CTNNA3: variants seen among roughly 807,000 people sequenced by gnomAD.
CTNNA3 encodes the protein catenin alpha-3.
A neutral mutation model predicts 95.7 loss-of-function variants in CTNNA3; 76 were observed. The observed-to-expected ratio is 0.79, with a 90% CI of 0.66 to 0.96. CTNNA3 has a LOEUF of 0.96. CTNNA3 is among the 40% of genes least tolerant of loss of function. The pLI is 0.00. For missense variants in CTNNA3, 1,191 were observed against 1,089.8 expected (o/e 1.09, Z -1.31); for synonymous variants, 431 against 374.4 (o/e 1.15, Z -1.74).
At chr10:66,520,149 C>T (rs1049748419) in intron 11 of CTNNA3, among the ~76,000 whole-genome samples, 2 of 150,898 alleles carry the variant, frequency 1.3e-5, no homozygotes, top group Non-Finnish European at 2.9e-5. Flanking sequence ...ATGGATGACA[C>T]AACTGCTGCT....
intron 3 of CTNNA3, among the ~76,000 whole-genome samples, chr10:67,592,221 G>A (rs184737341): frequency 6.6e-6 from 1 of 152,230 alleles, no homozygotes; most frequent in East Asian, 1.9e-4. Flanking sequence ...TCATTGCTGA[G>A]AGTTTTCTTT....
chr10:65,982,808 A>T (rs2078350140), intron 16 of CTNNA3, among the ~76,000 whole-genome samples: 1 of 151,322 alleles, frequency 6.6e-6, no homozygotes, highest in South Asian at 2.1e-4. Flanking sequence ...AATTTCAGAT[A>T]GGTAATACCT....
At chr10:67,128,294 A>T (rs972834785) in intron 7 of CTNNA3, among the ~76,000 whole-genome samples, 72 of 152,276 alleles carry the variant, frequency 4.7e-4, no homozygotes, top group African/African-American at 1.7e-3. Context: ...AATCTTATCT[A>T]AAAAAGATTA....
intron 1 of CTNNA3, among the ~76,000 whole-genome samples, chr10:67,749,876 G>A (rs541635241): frequency 1.3e-5 from 2 of 152,250 alleles, no homozygotes; most frequent in East Asian, 1.9e-4. Flanking sequence ...GAATCCAGGA[G>A]CTGGTTTTTT....
intron 10 of CTNNA3, among the ~76,000 whole-genome samples, chr10:66,560,535 T>A (rs1344953999): frequency 6.6e-6 from 1 of 152,110 alleles, no homozygotes; most frequent in Non-Finnish European, 1.5e-5. Flanking sequence ...ATTGCTATTG[T>A]TTTATCATGA....
At chr10:66,117,495 G>T (rs1225060983) in intron 13 of CTNNA3, among the ~76,000 whole-genome samples, 1 of 152,018 alleles carries the variant, frequency 6.6e-6, no homozygotes, top group Non-Finnish European at 1.5e-5. Context: ...TGCAGCAGGG[G>T]ACCACATATT....
At chr10:67,426,818 A>G (rs1344962258) in intron 5 of CTNNA3, among the ~76,000 whole-genome samples, 1 of 151,916 alleles carries the variant, frequency 6.6e-6, no homozygotes, top group Non-Finnish European at 1.5e-5. Context: ...AAAAAAAAAA[A>G]GAAAGTTGTT....
At chr10:65,945,305 C>T (rs533332982) in intron 17 of CTNNA3, among the ~76,000 whole-genome samples, 4 of 152,212 alleles carry the variant, frequency 2.6e-5, no homozygotes, top group South Asian at 4.1e-4. Flanking sequence ...AGCAGTCTGG[C>T]GATGACACAT....
At chr10:67,442,154 G>C (rs1846543961) in intron 5 of CTNNA3, among the ~76,000 whole-genome samples, 1 of 151,946 alleles carries the variant, frequency 6.6e-6, no homozygotes, top group Admixed American at 6.6e-5. Context: ...TGTTATCAGT[G>C]TAAAATAACG....
At chr10:67,692,029 C>A (rs1479004344) in intron 1 of CTNNA3, among the ~76,000 whole-genome samples, 3 of 145,680 alleles carry the variant, frequency 2.1e-5, no homozygotes, top group Admixed American at 1.3e-4. Context: ...AAGTGAGGAG[C>A]CCCTCTGCCC....
chr10:66,982,893 A>G (rs921393641), intron 7 of CTNNA3, among the ~76,000 whole-genome samples: 24 of 152,170 alleles, frequency 1.6e-4, no homozygotes, highest in African/African-American at 5.1e-4. Context: ...GGGGAGAAGC[A>G]TAAGACCCCA....
At chr10:66,825,283 A>ATTT (rs34841308) in intron 7 of CTNNA3, among the ~76,000 whole-genome samples, 1 of 137,254 alleles carries the variant, frequency 7.3e-6, no homozygotes, top group African/African-American at 2.5e-5. Context: ...ATATATATAT[A>ATTT]TTTTTTTTTT....
rs1419184796 is a variant in CTNNA3 at position 66,600,636 on chromosome 10, C to T, written c.1374+21056G>A. Among the ~76,000 whole-genome samples the T allele has an allele frequency of 2.6e-5, 4 of 151,712 alleles. No individual in the cohort carries two copies. In the East Asian group the frequency reaches 5.8e-4, roughly 22 times the overall value. On this transcript the variant is annotated intron_variant, in intron 10 of 17. Coordinates refer to ENST00000433211, the MANE Select transcript of CTNNA3 (RefSeq NM_013266.4). ...CTCTTTGCTGTGTAATCTTACAGAA[C>T]CCCCAAAATCTCTCTTGGTATCAAA...
intron 7 of CTNNA3, among the ~76,000 whole-genome samples, chr10:66,984,152 C>G (rs1564812143): frequency 6.6e-6 from 1 of 151,734 alleles, no homozygotes; most frequent in African/African-American, 2.4e-5. Context: ...CATCCGCTAC[C>G]AAAAAAAACA....
At chr10:66,543,903 GTGTGTGTGTATATATA>G (rs1230448328) in intron 10 of CTNNA3, among the ~76,000 whole-genome samples, 601 of 44,544 alleles carry the variant, frequency 0.013, 11 homozygotes, top group South Asian at 0.084. Context: ...CTTGAGATGT[GTGTGTGTGTATATATA>G]TATATATATA....
chr10:67,381,675 T>C (rs1035792886), intron 5 of CTNNA3, among the ~76,000 whole-genome samples: 6 of 152,206 alleles, frequency 3.9e-5, no homozygotes, highest in African/African-American at 1.4e-4. Context: ...GTGTACTCTC[T>C]GCCCATGGAA....
chr10:66,587,617 A>G (rs913399550), intron 10 of CTNNA3, among the ~76,000 whole-genome samples: 1 of 152,088 alleles, frequency 6.6e-6, no homozygotes, highest in African/African-American at 2.4e-5. Context: ...GTAATATTTC[A>G]GGGAGTAGCA....
At chr10:67,049,757 T>C (rs1854968423) in intron 7 of CTNNA3, among the ~76,000 whole-genome samples, 2 of 152,200 alleles carry the variant, frequency 1.3e-5, no homozygotes, top group African/African-American at 4.8e-5. Context: ...AAATTACTAC[T>C]GCACAGATTC....
At chr10:66,897,554 C>A (rs1845550508) in intron 7 of CTNNA3, among the ~76,000 whole-genome samples, 1 of 151,740 alleles carries the variant, frequency 6.6e-6, no homozygotes, top group African/African-American at 2.4e-5. Context: ...AGGCAAAAAC[C>A]AATAACTTGA....
Sources: allele counts gnomAD v4.1 joint callset (sites outside exome capture counted in the v4.1 genomes callset), GRCh38; gene constraint gnomAD v4.1.1; transcripts MANE v1.5; gene names NCBI Gene and HGNC (gene_info 2026-07-23, HGNC 2026-07-21).